The following ADAM10 variants were observed in gnomAD, a reference collection of about 807,000 sequenced individuals.
ADAM10 encodes disintegrin and metalloproteinase domain-containing protein 10.
A neutral mutation model predicts 90.1 loss-of-function variants in ADAM10; 17 were observed. That is an observed-to-expected ratio of 0.19 (90% confidence interval 0.13 to 0.28). The LOEUF is 0.28. Ranked by LOEUF, ADAM10 falls within the 10% of genes least tolerant of loss-of-function variation. ADAM10 has a pLI of 1.00. For synonymous variants in ADAM10, 310 were observed against 298.6 expected (o/e 1.04, Z -0.40); for missense variants, 610 against 914.3 (o/e 0.67, Z 4.29).
chr15:58,612,192 A>C (rs1318013371), intron 11 of ADAM10, among the ~76,000 whole-genome samples: 1 of 152,174 alleles, frequency 6.6e-6, no homozygotes, highest in East Asian at 1.9e-4. Context: ...TAAACAGTGC[A>C]CTGGTGGAGC....
chr15:58,657,795 T>C (rs1896865041), intron 5 of ADAM10, among the ~76,000 whole-genome samples: 1 of 152,136 alleles, frequency 6.6e-6, no homozygotes, highest in Non-Finnish European at 1.5e-5. Context: ...GAGTTACGTA[T>C]TCACTGTAGT....
intron 1 of ADAM10, among the ~76,000 whole-genome samples, chr15:58,737,742 CA>C (rs1899477585): frequency 6.6e-6 from 1 of 152,146 alleles, no homozygotes; most frequent in South Asian, 2.1e-4. Flanking sequence ...CCCTTCTAAG[CA>C]AAAGCTTCCT....
rs2140686791 is a variant in ADAM10 at position 58,640,841 on chromosome 15, A to G, written c.948T>C (p.Tyr316=). 2 of 1,614,190 alleles carry G rather than the reference A, an allele frequency of 1.2e-6. No individual in the cohort carries two copies. Among genetic ancestry groups the G allele is most frequent in the South Asian group, 1.1e-5 (1 of 91,090 alleles). The part of the protein sequence containing the change: ...EQNHDDYCLA[Y]VFTDRDFDDG... ...CATCAAAATCTCGGTCTGTGAAGACATAGGCCAAACAGTAGTCATCATGAT... is the reference window on the plus strand; with the variant it reads ...CATCAAAATCTCGGTCTGTGAAGACGTAGGCCAAACAGTAGTCATCATGAT... Residue 316 remains tyrosine (Y), a synonymous_variant, in exon 8 of 16, where the codon TAT becomes TAC. Coordinates refer to ENST00000260408, the MANE Select transcript of ADAM10 (RefSeq NM_001110.4).
intron 2 of ADAM10, among the ~76,000 whole-genome samples, chr15:58,696,700 G>A (rs1275373567): frequency 2.6e-5 from 4 of 151,876 alleles, no homozygotes; most frequent in African/African-American, 9.7e-5. Flanking sequence ...CCTGACCTCA[G>A]GTGATCCACC....
chr15:58,662,036 A>G (rs559704038), intron 5 of ADAM10, among the ~76,000 whole-genome samples: 43 of 152,218 alleles, frequency 2.8e-4, no homozygotes, highest in African/African-American at 1.0e-3. Context: ...TAATTAACAG[A>G]CGTTGTGTTT....
chr15:58,674,320 A>C (rs1011311323), intron 4 of ADAM10, among the ~76,000 whole-genome samples: 1 of 152,220 alleles, frequency 6.6e-6, no homozygotes, highest in Non-Finnish European at 1.5e-5. Flanking sequence ...AAAGCATACA[A>C]ATTCAAAACA....
At chr15:58,660,203 T>G (rs1896934529) in intron 5 of ADAM10, among the ~76,000 whole-genome samples, 1 of 152,126 alleles carries the variant, frequency 6.6e-6, no homozygotes, top group Non-Finnish European at 1.5e-5. Context: ...CTTTTTATTT[T>G]TTTTTAAATA....
At position 58,709,923 on chromosome 15, in the gene ADAM10, AAAC is replaced by A. The variant is rs1224896856; in HGVS notation, c.206+7651_206+7653del. 2.6e-4 allele frequency among the ~76,000 whole-genome samples: 40 copies of A among 152,246 alleles called. 1 individual carries two copies. The South Asian group carries it at 7.9e-3, about 30-fold the overall frequency. On this transcript the variant is annotated intron_variant, in intron 2 of 15. Transcript: ENST00000260408. ...GGGAGAAAGTTGAGTTTATATTTTA[AAAC>A]AACAACAACAACAAAAACCCTCATT...
chr15:58,686,546 G>C (rs1282906309), intron 2 of ADAM10: 24 of 1,412,880 alleles, frequency 1.7e-5, no homozygotes, highest in African/African-American at 2.8e-5. Context: ...TGCCTGCAAG[G>C]ATGCCCTGCT....
intron 10 of ADAM10, among the ~76,000 whole-genome samples, chr15:58,622,094 C>A (rs554720605): frequency 1.3e-5 from 2 of 152,132 alleles, no homozygotes; most frequent in Non-Finnish European, 2.9e-5. Context: ...CTATCAACAA[C>A]AATATGCTGT....
At chr15:58,611,307 G>A (rs1289012796) in intron 12 of ADAM10, 200 bp from the exon 13 acceptor site, 1 of 559,886 alleles carries the variant, frequency 1.8e-6, no homozygotes, top group East Asian at 3.1e-5. Context: ...ATCCAAGAAA[G>A]ATAGTAAATC....
chr15:58,709,806 T>C (rs1488709810), intron 2 of ADAM10, among the ~76,000 whole-genome samples: 2 of 152,162 alleles, frequency 1.3e-5, no homozygotes, highest in African/African-American at 4.8e-5. Context: ...TGTTTTAGAT[T>C]ACCTTTTAGA....
intron 1 of ADAM10, among the ~76,000 whole-genome samples, chr15:58,744,180 A>G (rs1162621731): frequency 6.6e-6 from 1 of 151,068 alleles, no homozygotes; most frequent in East Asian, 2.0e-4. Flanking sequence ...CTGTTTAGAA[A>G]GTTACGATCC....
chr15:58,688,508 G>C (rs1330433853), intron 2 of ADAM10, among the ~76,000 whole-genome samples: 1 of 151,404 alleles, frequency 6.6e-6, no homozygotes, highest in African/African-American at 2.4e-5. Context: ...CAAAGAAGAA[G>C]AAAATTAGTC....
chr15:58,651,822 G>A (rs1323679205), intron 5 of ADAM10, among the ~76,000 whole-genome samples: 3 of 152,054 alleles, frequency 2.0e-5, no homozygotes, highest in Admixed American at 6.6e-5. Context: ...AGGAACCTCC[G>A]AACTATTCTC....
intron 4 of ADAM10, chr15:58,672,557 A>T (rs558576260): frequency 1.2e-4 from 18 of 152,270 alleles, no homozygotes; most frequent in African/African-American, 4.1e-4. Context: ...AAGTTTAGGG[A>T]TCCCAATGTA....
At chr15:58,638,507 C>T (rs1418734098) in intron 8 of ADAM10, among the ~76,000 whole-genome samples, 1 of 149,460 alleles carries the variant, frequency 6.7e-6, no homozygotes, top group African/African-American at 2.5e-5. Flanking sequence ...CCCAGCTACT[C>T]GGGAGGCTGA....
At chr15:58,662,475 GA>G (rs1896992869) in intron 5 of ADAM10, among the ~76,000 whole-genome samples, 1 of 152,106 alleles carries the variant, frequency 6.6e-6, no homozygotes, top group Non-Finnish European at 1.5e-5. Context: ...TGAGACTACA[GA>G]TGCTCATCAC....
At chr15:58,728,926 C>T (rs1276716978) in intron 1 of ADAM10, among the ~76,000 whole-genome samples, 1 of 152,128 alleles carries the variant, frequency 6.6e-6, no homozygotes. Context: ...AAATGACAAC[C>T]AGTGACCACA....
Sources: allele counts gnomAD v4.1 joint callset (sites outside exome capture counted in the v4.1 genomes callset), GRCh38; gene constraint gnomAD v4.1.1; transcripts MANE v1.5; gene names NCBI Gene and HGNC (gene_info 2026-07-23, HGNC 2026-07-21).